The following PPHLN1 variants were observed in gnomAD, a reference collection of about 807,000 sequenced individuals.
PPHLN1 encodes the protein periphilin 1.
A neutral mutation model predicts 51.3 loss-of-function variants in PPHLN1; 29 were observed. That is an observed-to-expected ratio of 0.57 (90% CI 0.42 to 0.77). PPHLN1 has a LOEUF of 0.77. Ranked by LOEUF, PPHLN1 falls within the 30% of genes least tolerant of loss-of-function variation. PPHLN1 has a pLI of 0.00. For synonymous variants in PPHLN1, 147 were observed against 147.8 expected, an observed-to-expected ratio of 0.99 and a Z score of 0.04; for missense variants, 436 against 438.4, an observed-to-expected ratio of 0.99 and a Z score of 0.05.
At chr12:42,415,120 A>G (rs913557279) in intron 9 of PPHLN1, among the ~76,000 whole-genome samples, 7 of 152,204 alleles carry the variant, frequency 4.6e-5, no homozygotes, top group Admixed American at 1.3e-4. Flanking sequence ...GGGCGACTGC[A>G]TGTCTTTACT....
intron 9 of PPHLN1, among the ~76,000 whole-genome samples, chr12:42,414,390 G>C (rs1565980270): frequency 6.6e-6 from 1 of 152,102 alleles, no homozygotes; most frequent in Non-Finnish European, 1.5e-5. Context: ...TTGGCAGTAT[G>C]GTCCTTTTCA....
chr12:42,446,325 TAC>T, downstream of PPHLN1: 1 of 1,541,402 alleles, frequency 6.5e-7, no homozygotes. Flanking sequence ...CTTTGCCTGT[TAC>T]CCGTACCTAC....
chr12:42,347,991 A>G (rs1281214719), intron 2 of PPHLN1, among the ~76,000 whole-genome samples: 1 of 152,212 alleles, frequency 6.6e-6, no homozygotes, highest in Non-Finnish European at 1.5e-5. Context: ...CAGAGCAGAG[A>G]TAGTATAATG....
chr12:42,368,043 AAATT>A (rs1395332014), intron 4 of PPHLN1, among the ~76,000 whole-genome samples: 1 of 152,208 alleles, frequency 6.6e-6, no homozygotes, highest in Admixed American at 6.5e-5. Flanking sequence ...AGCCAAAAAT[AAATT>A]ATTAAATATT....
At chr12:42,369,590 A>G (rs758063186) in intron 4 of PPHLN1, among the ~76,000 whole-genome samples, 4 of 152,154 alleles carry the variant, frequency 2.6e-5, no homozygotes, top group South Asian at 2.1e-4. Flanking sequence ...CCTCACATCA[A>G]CTCTGTGAAG....
Position 42,371,611 on chromosome 12 carries a change from C to A in PPHLN1, c.300-3252C>A, listed in dbSNP as rs115404349. Among the ~76,000 whole-genome samples the A allele has an allele frequency of 4.6e-3, 707 of 152,280 alleles. 6 individuals carry two copies. Among genetic ancestry groups the A allele is most frequent in the African/African-American group, 0.016 (680 of 41,538 alleles). Reference sequence around the variant, plus strand: ...TTTTTCTAAAGTTTGTGATGCTTTTCCCACCATCTAAATCTATGCTGTCCA... The same window carrying A: ...TTTTTCTAAAGTTTGTGATGCTTTTACCACCATCTAAATCTATGCTGTCCA... On this transcript the variant is annotated intron_variant, in intron 4 of 9. Coordinates refer to ENST00000358314, the MANE Select transcript of PPHLN1 (RefSeq NM_201439.2).
At chr12:42,406,409 C>G (rs1169625046) in intron 9 of PPHLN1, among the ~76,000 whole-genome samples, 1 of 152,092 alleles carries the variant, frequency 6.6e-6, no homozygotes, top group Non-Finnish European at 1.5e-5. Context: ...CAAATAGAAT[C>G]ATATGGAATA....
At chr12:42,370,294 G>A (rs574647192) in intron 4 of PPHLN1, among the ~76,000 whole-genome samples, 29 of 152,302 alleles carry the variant, frequency 1.9e-4, no homozygotes, top group African/African-American at 6.3e-4. Context: ...AGGCAGGTAG[G>A]TCTATGGACG....
chr12:42,332,652 C>G, intron 1 of PPHLN1: 2 of 1,568,472 alleles, frequency 1.3e-6, no homozygotes, highest in East Asian at 4.5e-5. Flanking sequence ...TATTTCCCCC[C>G]CTTACAGGAA....
intron 9 of PPHLN1, among the ~76,000 whole-genome samples, chr12:42,432,795 T>C (rs1221543048): frequency 6.6e-6 from 1 of 152,228 alleles, no homozygotes; most frequent in African/African-American, 2.4e-5. Context: ...GCAAGTTGTT[T>C]TGTGCATTCT....
At chr12:42,445,131 T>C (rs1313397978), downstream of PPHLN1, 7 of 702,350 alleles carry the variant, frequency 1.0e-5, no homozygotes, top group East Asian at 1.9e-4. Flanking sequence ...GCTAAATCAA[T>C]GTACACATTC....
In PPHLN1 at chr12:42,428,791, A is replaced by T. The variant is rs142266432; in HGVS notation, c.910-12524A>T. On this transcript the variant is annotated intron_variant, in intron 9 of 9. Coordinates refer to ENST00000358314, the MANE Select transcript of PPHLN1 (RefSeq NM_201439.2). ...CAATGGAAAGTTTTAATACTTAATTAAAAAAAATGAAGTTTGCCTTTTTAA... is the reference window on the plus strand; with the variant it reads ...CAATGGAAAGTTTTAATACTTAATTTAAAAAAATGAAGTTTGCCTTTTTAA... Among the ~76,000 whole-genome samples, 1,115 of 151,662 alleles carry T rather than the reference A, an allele frequency of 7.4e-3. 11 individuals carry two copies. Among genetic ancestry groups the T allele is most frequent in the African/African-American group, 0.024 (1,009 of 41,294 alleles).
intron 4 of PPHLN1, among the ~76,000 whole-genome samples, chr12:42,362,671 A>G (rs1251767745): frequency 6.6e-6 from 1 of 152,202 alleles, no homozygotes; most frequent in Non-Finnish European, 1.5e-5. Flanking sequence ...TTATTTTTAT[A>G]CAGTGTTTAT....
intron 9 of PPHLN1, among the ~76,000 whole-genome samples, chr12:42,411,647 G>GTA (rs2079840658): frequency 6.6e-6 from 1 of 152,126 alleles, no homozygotes; most frequent in Non-Finnish European, 1.5e-5. Flanking sequence ...GCTCATGCCT[G>GTA]TAATCCCAGC....
chr12:42,393,473 C>T (rs2077912125), intron 7 of PPHLN1, 97 bp from the exon 8 acceptor site: 1 of 1,208,274 alleles, frequency 8.3e-7, no homozygotes, highest in Non-Finnish European at 1.1e-6. Flanking sequence ...AATTTGGAGG[C>T]TTATATGATT....
At chr12:42,445,726 A>G (rs2083279407), downstream of PPHLN1, 2 of 383,464 alleles carry the variant, frequency 5.2e-6, no homozygotes, top group Non-Finnish European at 9.2e-6. Context: ...ACCCTTAAAA[A>G]TATGCTCAGA....
chr12:42,330,951 C>G (rs987089534), intron 1 of PPHLN1, among the ~76,000 whole-genome samples: 3 of 152,166 alleles, frequency 2.0e-5, no homozygotes, highest in Non-Finnish European at 4.4e-5. Context: ...CCTTGTGATC[C>G]GCGCGCCTCG....
Position 42,352,573 on chromosome 12 carries a change from C to G in PPHLN1, c.237+524C>G, listed in dbSNP as rs76769335. On this transcript the variant is annotated intron_variant, in intron 3 of 9. Coordinates refer to ENST00000358314, the MANE Select transcript of PPHLN1 (RefSeq NM_201439.2). ...TACAGGCACGTGCCACCGTGCCTGG[C>G]TAATTTTTGTGTTTTCAGTAGAGAC... Among the ~76,000 whole-genome samples, 3 of 151,694 alleles carry G rather than the reference C, an allele frequency of 2.0e-5. No homozygotes were observed. The South Asian group carries it at 6.3e-4, about 32-fold the overall frequency.
intron 9 of PPHLN1, among the ~76,000 whole-genome samples, chr12:42,409,189 G>T (rs567465239): frequency 6.6e-6 from 1 of 152,186 alleles, no homozygotes; most frequent in East Asian, 1.9e-4. Flanking sequence ...ACTGCTGATT[G>T]GGGGTGAGGG....
Sources: allele counts gnomAD v4.1 joint callset (sites outside exome capture counted in the v4.1 genomes callset), GRCh38; gene constraint gnomAD v4.1.1; transcripts MANE v1.5; gene names NCBI Gene and HGNC (gene_info 2026-07-23, HGNC 2026-07-21).